USP7: variants seen among roughly 807,000 people sequenced by gnomAD.
USP7 encodes the protein ubiquitin C-terminal hydrolase 7.
In USP7, 9 loss-of-function variants were observed where a neutral mutation model predicts 162.9. The observed-to-expected ratio is 0.06, with a 90% CI of 0.03 to 0.10. The LOEUF (loss-of-function observed/expected upper bound fraction) is 0.10, where lower values mean the gene tolerates loss of function less well. Among genes scored for constraint, USP7 ranks in the 10% least tolerant of loss-of-function variants. USP7 has a pLI of 1.00. For synonymous variants in USP7, 562 were observed against 475.9 expected, an observed-to-expected ratio of 1.18 and a Z score of -2.35; for missense variants, 715 against 1,373.7, an observed-to-expected ratio of 0.52 and a Z score of 7.58.
intron 1 of USP7, among the ~76,000 whole-genome samples, chr16:8,955,993 C>T (rs182313160): frequency 6.6e-6 from 1 of 152,106 alleles, no homozygotes; most frequent in East Asian, 1.9e-4. Context: ...TGCAGCCCCA[C>T]CCTGGGATGG....
intron 28 of USP7, 44 bp from the exon 29 acceptor site, chr16:8,894,899 C>G (rs369435839): frequency 1.2e-6 from 2 of 1,614,026 alleles, no homozygotes; most frequent in East Asian, 4.5e-5. Context: ...ACTCCCAGCA[C>G]CCCCAGGCCA....
intron 1 of USP7, among the ~76,000 whole-genome samples, chr16:8,932,196 C>T (rs2141233710): frequency 6.6e-6 from 1 of 152,306 alleles, no homozygotes; most frequent in Non-Finnish European, 1.5e-5. Context: ...CAGGTATTAC[C>T]ACTCAGACGT....
intron 1 of USP7, among the ~76,000 whole-genome samples, chr16:8,940,959 A>G (rs1284231906): frequency 6.6e-6 from 1 of 152,108 alleles, no homozygotes; most frequent in Non-Finnish European, 1.5e-5. Context: ...TAAAGTCAGG[A>G]ATAGCAGGAC....
chr16:8,918,365 A>G (rs1054917024), intron 6 of USP7, among the ~76,000 whole-genome samples: 4 of 152,248 alleles, frequency 2.6e-5, no homozygotes, highest in Non-Finnish European at 4.4e-5. Context: ...ATGTATGTCT[A>G]TTCTTTTTGT....
At chr16:8,929,564 A>G (rs1296649974) in intron 2 of USP7, 1 of 456,032 alleles carries the variant, frequency 2.2e-6, no homozygotes, top group Non-Finnish European at 4.4e-6. Context: ...CACAACCCTC[A>G]TGAGGATTGA....
chr16:8,963,388 G>A lies in USP7; in HGVS notation c.-103C>T, dbSNP rs1311809415. The A allele has an allele frequency of 1.9e-5, 4 of 216,154 alleles. No homozygotes were observed. The highest frequency in any genetic ancestry group is 3.0e-5 in the Non-Finnish European group (4 of 131,432). 13.4% of individuals were successfully genotyped at this position (216,154 alleles called of 1,614,324 possible). On this transcript the variant is annotated 5_prime_UTR_variant, in exon 1 of 31. Transcript: ENST00000344836. Reference sequence around the variant, plus strand: ...GCGGCGGCGGCGGCGGCGGCGGCGGGGCGGCCTCCTCCTCCTCCTCCCGCG... The same window carrying A: ...GCGGCGGCGGCGGCGGCGGCGGCGGAGCGGCCTCCTCCTCCTCCTCCCGCG...
intron 1 of USP7, among the ~76,000 whole-genome samples, chr16:8,950,852 G>C (rs1193746421): frequency 6.6e-6 from 1 of 152,162 alleles, no homozygotes; most frequent in Non-Finnish European, 1.5e-5. Context: ...TTGTTTCTGC[G>C]CACACAGTCA....
chr16:8,952,219 C>T (rs1899586482), intron 1 of USP7, among the ~76,000 whole-genome samples: 1 of 152,068 alleles, frequency 6.6e-6, no homozygotes, highest in Non-Finnish European at 1.5e-5. Flanking sequence ...CACTGAATTC[C>T]AGCCTGGGCA....
At chr16:8,931,526 G>C (rs1322571344) in intron 1 of USP7, among the ~76,000 whole-genome samples, 7 of 152,310 alleles carry the variant, frequency 4.6e-5, no homozygotes, top group Non-Finnish European at 1.5e-5. Context: ...GACAATTCCT[G>C]TATAATTATG....
At position 8,963,361 on chromosome 16, in the gene USP7, GGGCGGC is replaced by G. The variant is rs920151583; in HGVS notation, c.-82_-77del. On this transcript the variant is annotated 5_prime_UTR_variant, in exon 1 of 31. Coordinates refer to ENST00000344836, the MANE Select transcript of USP7 (RefSeq NM_003470.3). ...CCGGCGGGCGGGCGGCGGCGAGCCG[GGGCGGC>G]GGCGGCGGCGGCGGCGGCGGGGCGG... 51 of 448,258 alleles carry G rather than the reference GGGCGGC, an allele frequency of 1.1e-4. No individual in the cohort carries two copies. Among genetic ancestry groups the G allele is most frequent in the African/African-American group, 3.3e-4 (15 of 45,768 alleles). The allele number at this position is 448,258 out of a possible 1,614,324, so 27.8% of individuals were successfully genotyped here.
chr16:8,905,911 T>C (rs989586794), intron 13 of USP7, among the ~76,000 whole-genome samples: 2 of 152,106 alleles, frequency 1.3e-5, no homozygotes, highest in African/African-American at 4.8e-5. Flanking sequence ...TGCTGTCGGG[T>C]CCCTCCACCA....
rs2141182637 is a variant in USP7, at chr16:8,906,576, T to C, written c.1278A>G (p.Glu426=). 6 of 1,610,686 alleles carry C rather than the reference T, an allele frequency of 3.7e-6. No homozygotes were observed. In the East Asian group the frequency reaches 1.3e-4, roughly 36 times the overall value. Residue 426 remains glutamate, a synonymous_variant, in exon 13 of 31, where the codon GAA becomes GAG. Transcript: ENST00000344836. Reference sequence around the variant, plus strand: ...CATCAAGTGGTAACTGCTCTGGGAATTCAAACCTATTAGAAAACATTTTAA... The same window carrying C: ...CATCAAGTGGTAACTGCTCTGGGAACTCAAACCTATTAGAAAACATTTTAA... ...DQNIKINDRF[E]FPEQLPLDEF... is the part of the protein sequence containing the mutation.
chr16:8,950,777 C>T (rs1215472382), intron 1 of USP7, among the ~76,000 whole-genome samples: 3 of 152,240 alleles, frequency 2.0e-5, no homozygotes, highest in Non-Finnish European at 4.4e-5. Context: ...ACCTGGCTTA[C>T]ATGCATGTCT....
rs9928695 is a variant in USP7 at position 8,953,587 on chromosome 16, A to C, written c.79+9620T>G. ...GAAGCAGAGGGAAGACACGTGCCCC[A>C]TGCGGCGCCACCGGAAGCAGAGGGA... On this transcript the variant is annotated intron_variant, in intron 1 of 30. Transcript: ENST00000344836. 7.3e-3 allele frequency among the ~76,000 whole-genome samples: 304 copies of C among 41,858 alleles called. 1 individual carries two copies. Among genetic ancestry groups the C allele is most frequent in the Middle Eastern group, 0.04 (2 of 50 alleles). 27.5% of individuals were successfully genotyped at this position (41,858 alleles called of 152,430 possible).
At position 8,927,949 on chromosome 16, in the gene USP7, A is replaced by T. The variant is rs369630717; in HGVS notation, c.184+2344T>A. 3.9e-5 allele frequency among the ~76,000 whole-genome samples: 6 copies of T among 152,370 alleles called. No individual in the cohort carries two copies. In the East Asian group the frequency reaches 1.2e-3, roughly 29 times the overall value. The stretch of plus-strand genomic sequence containing the variant: ...TGCTTGAGCCAAGAAGTTCAAGACC[A>T]GCCTGGGTAACATAGTGACATCCCA... On this transcript the variant is annotated intron_variant, in intron 2 of 30. Transcript: ENST00000344836.
At chr16:8,928,648 T>C (rs1661566781) in intron 2 of USP7, among the ~76,000 whole-genome samples, 1 of 152,132 alleles carries the variant, frequency 6.6e-6, no homozygotes, top group Non-Finnish European at 1.5e-5. Context: ...AGATATTACA[T>C]GCTGGGTCTT....
chr16:8,894,448 G>C (rs1223795412), intron 30 of USP7, 102 bp downstream of exon 30: 2 of 1,173,918 alleles, frequency 1.7e-6, no homozygotes, highest in Non-Finnish European at 2.4e-6. Flanking sequence ...AGTGGAGAGA[G>C]AGGAGCTGGC....
intron 1 of USP7, chr16:8,956,484 GC>G (rs1899805773): frequency 6.6e-6 from 1 of 152,290 alleles, no homozygotes; most frequent in South Asian, 2.1e-4. Flanking sequence ...CTGAATTTGG[GC>G]CAGGCGCAGT....
chr16:8,917,753 C>T (rs1897453323), intron 6 of USP7, among the ~76,000 whole-genome samples: 2 of 152,144 alleles, frequency 1.3e-5, no homozygotes, highest in East Asian at 1.9e-4. Flanking sequence ...CAGAGAACTA[C>T]TTTTATTTCC....
Sources: gnomAD v4.1 joint callset for allele counts (sites outside exome capture counted in the v4.1 genomes callset) on GRCh38, gnomAD v4.1.1 for gene constraint, MANE v1.5 for transcripts, NCBI Gene and HGNC (gene_info 2026-07-23, HGNC 2026-07-21) for gene names.